The following SSH1 variants were observed in gnomAD, a reference collection of about 807,000 sequenced individuals.
SSH1 encodes protein phosphatase Slingshot homolog 1.
SSH1 carries 43 observed loss-of-function variants against 79.7 expected under a neutral mutation model. The observed-to-expected ratio is 0.54, with a 90% CI of 0.42 to 0.70. SSH1 has a LOEUF of 0.70. Ranked by LOEUF, SSH1 falls within the 30% of genes least tolerant of loss-of-function variation. The pLI is 0.00. For missense variants in SSH1, 1,206 were observed against 1,358.8 expected (o/e 0.89, Z 1.77); for synonymous variants, 599 against 538.3 (o/e 1.11, Z -1.56).
At chr12:108,827,121 G>C (rs2038340330) in intron 2 of SSH1, 2 of 708,346 alleles carry the variant, frequency 2.8e-6, no homozygotes, top group South Asian at 2.8e-5. Flanking sequence ...TAAGATTAAA[G>C]TTTCTCCAAA....
chr12:108,814,873 G>A (rs1010239997), intron 5 of SSH1, among the ~76,000 whole-genome samples: 1 of 152,194 alleles, frequency 6.6e-6, no homozygotes, highest in Non-Finnish European at 1.5e-5. Context: ...GGGGCGGTGC[G>A]GACGAGCGCA....
Position 108,789,051 on chromosome 12 carries a change from C to T in SSH1, c.2087G>A (p.Ser696Asn), listed in dbSNP as rs1485699735. 6.2e-7 allele frequency: 1 copy of T among 1,609,750 alleles called. No individual in the cohort carries two copies. The highest frequency in any genetic ancestry group is 8.5e-7 in the Non-Finnish European group (1 of 1,176,782). ...TGGCTTCTCCGGAACACGGGACCTG[C>T]TGGCCAAGTGGGCCACAGGGGAGGA... ...ITSSPVAHLA[S>N]RSRVPEKPAS... The change falls in exon 15 of 15, where the codon AGC (serine) becomes AAC (asparagine). Residue 696 changes from serine (S) to asparagine (N), a missense_variant. Around this residue, in one of 5 missense-constraint regions of SSH1, gnomAD observed 709 missense variants for 730.6 expected, o/e 0.97. Coordinates refer to ENST00000326495, the MANE Select transcript of SSH1 (RefSeq NM_018984.4).
intron 2 of SSH1, among the ~76,000 whole-genome samples, chr12:108,837,405 GT>G (rs1566014071): frequency 6.6e-6 from 1 of 152,182 alleles, no homozygotes; most frequent in African/African-American, 2.4e-5. Context: ...CTTGAATGGG[GT>G]TAGAGGACTA....
At chr12:108,813,088 A>G (rs1201864023) in intron 5 of SSH1, among the ~76,000 whole-genome samples, 1 of 151,974 alleles carries the variant, frequency 6.6e-6, no homozygotes, top group Non-Finnish European at 1.5e-5. Context: ...CTGGTCTTAA[A>G]CTCCTGGGCT....
intron 5 of SSH1, 172 bp from the exon 6 acceptor site, chr12:108,811,500 C>A: frequency 2.9e-6 from 2 of 682,888 alleles, no homozygotes; most frequent in Admixed American, 2.1e-5. Context: ...CTGGGATGGC[C>A]CTGTGGACAC....
chr12:108,843,944 A>G (rs1211640234), intron 2 of SSH1, among the ~76,000 whole-genome samples: 1 of 152,198 alleles, frequency 6.6e-6, no homozygotes, highest in Non-Finnish European at 1.5e-5. Context: ...CTAAGTACAT[A>G]TACTACAAAG....
chr12:108,857,541 G>C lies in SSH1; in HGVS notation c.-45C>G. The C allele has an allele frequency of 9.7e-7, 1 of 1,027,484 alleles. No homozygotes were observed. The highest frequency in any genetic ancestry group is 2.9e-5 in the South Asian group (1 of 34,124). 63.6% of individuals were successfully genotyped at this position (1,027,484 alleles called of 1,614,324 possible). A position where few individuals can be genotyped will look rare whatever the true frequency, so the allele number is the denominator to read the frequency against. On this transcript the variant is annotated 5_prime_UTR_variant, in exon 1 of 15. Transcript: ENST00000326495. The surrounding 1 kb of genome is among the most constrained non-coding windows in gnomAD (Gnocchi z 4.7). Reference sequence around the variant, plus strand: ...GGCGCCACAGACGTCTCGAGCTAGAGCCGCCACCGCCACCGCCGCCCGGGC... The same window carrying C: ...GGCGCCACAGACGTCTCGAGCTAGACCCGCCACCGCCACCGCCGCCCGGGC...
intron 2 of SSH1, among the ~76,000 whole-genome samples, chr12:108,832,485 G>A (rs578253430): frequency 2.0e-5 from 3 of 152,130 alleles, no homozygotes; most frequent in Non-Finnish European, 4.4e-5. Context: ...TGCAGCAATA[G>A]CAGCAACGTG....
At chr12:108,810,007 T>C (rs867766505) in intron 6 of SSH1, among the ~76,000 whole-genome samples, 1 of 152,170 alleles carries the variant, frequency 6.6e-6, no homozygotes, top group Middle Eastern at 3.4e-3. Context: ...ACTGAAACCC[T>C]AGCAAAGGGT....
intron 2 of SSH1, among the ~76,000 whole-genome samples, chr12:108,842,294 G>A (rs538316362): frequency 6.6e-6 from 1 of 152,280 alleles, no homozygotes; most frequent in African/African-American, 2.4e-5. Flanking sequence ...GTTTAAAAGT[G>A]GGAGTCAATG....
intron 2 of SSH1, chr12:108,826,243 C>T (rs1042383547): frequency 9.2e-6 from 4 of 435,128 alleles, no homozygotes; most frequent in Admixed American, 5.7e-5. Flanking sequence ...AGGCTGGTTT[C>T]ACTCTGTGAT....
intron 5 of SSH1, among the ~76,000 whole-genome samples, chr12:108,816,045 C>T (rs1188604926): frequency 6.6e-6 from 1 of 152,202 alleles, no homozygotes; most frequent in Non-Finnish European, 1.5e-5. Context: ...CACCTTGCTG[C>T]TCCGCCTCCA....
chr12:108,820,809 A>G (rs1351784360), intron 3 of SSH1, among the ~76,000 whole-genome samples: 1 of 152,186 alleles, frequency 6.6e-6, no homozygotes, highest in East Asian at 1.9e-4. Flanking sequence ...AACTAACGTA[A>G]GTCTAGTCTG....
chr12:108,788,875 G>A lies in SSH1; in HGVS notation c.2263C>T (p.Leu755Phe), dbSNP rs1489566668. Residue 755 changes from leucine to phenylalanine, a missense_variant, in exon 15 of 15, where the codon CTC becomes TTC. Leu to Phe is a conservative substitution (Grantham distance 22, BLOSUM62 0). Transcript: ENST00000326495. Reference protein sequence around the residue: ...RETPKVLPKSLLLKNSHCDKN... With the variant: ...RETPKVLPKSFLLKNSHCDKN... ...TCACAGTGAGAATTCTTCAAAAGGA[G>A]GGACTTTGGCAGGACTTTTGGGGTC... 1 of 1,614,254 alleles carries A rather than the reference G, an allele frequency of 6.2e-7. No homozygotes were observed.
At chr12:108,853,558 G>T (rs905640946) in intron 1 of SSH1, among the ~76,000 whole-genome samples, 1 of 152,126 alleles carries the variant, frequency 6.6e-6, no homozygotes, top group African/African-American at 2.4e-5. Context: ...AAGGAAAAAG[G>T]GTCCAGAGAT....
intron 13 of SSH1, among the ~76,000 whole-genome samples, chr12:108,797,614 G>A (rs1740037127): frequency 3.3e-5 from 5 of 152,230 alleles, no homozygotes. Context: ...TTGGACGTCA[G>A]GAAGAAGTGC....
intron 3 of SSH1, among the ~76,000 whole-genome samples, chr12:108,822,354 G>C (rs1176612923): frequency 6.6e-6 from 1 of 152,020 alleles, no homozygotes; most frequent in Non-Finnish European, 1.5e-5. Flanking sequence ...GGTTAGTCTG[G>C]AACTCCTGGG....
intron 6 of SSH1, 28 bp downstream of exon 6, chr12:108,811,232 A>T (rs754308005): frequency 6.2e-7 from 1 of 1,609,700 alleles, no homozygotes; most frequent in Non-Finnish European, 8.5e-7. Flanking sequence ...ACATACAGTG[A>T]GAGAATCTTT....
At chr12:108,835,069 C>G (rs751484651) in intron 2 of SSH1, among the ~76,000 whole-genome samples, 2 of 152,148 alleles carry the variant, frequency 1.3e-5, no homozygotes, top group Non-Finnish European at 2.9e-5. Context: ...AATAACACAA[C>G]AGCAGCTAAG....
Sources: gnomAD v4.1 joint callset for allele counts (sites outside exome capture counted in the v4.1 genomes callset) on GRCh38, gnomAD v4.1.1 for gene constraint, gnomAD v4.1.1 regional missense constraint, Gnocchi (gnomAD v3.1) non-coding constraint, MANE v1.5 for transcripts, NCBI Gene and HGNC (gene_info 2026-07-23, HGNC 2026-07-21) for gene names.